Variants in L3MBTL1 observed in about 807,000 individuals in gnomAD.
The protein encoded by L3MBTL1 is lethal(3)malignant brain tumor-like protein 1.
Under a neutral mutation model 105.3 loss-of-function variants are expected in L3MBTL1, and 75 were observed. That is an observed-to-expected ratio of 0.71 (90% CI 0.59 to 0.86). L3MBTL1 has a LOEUF of 0.86. L3MBTL1 is among the 40% of genes least tolerant of loss of function. The pLI is 0.00. For missense variants in L3MBTL1, 1,069 were observed against 1,126.4 expected, an observed-to-expected ratio of 0.95 and a Z score of 0.73; for synonymous variants, 452 against 436.2, an observed-to-expected ratio of 1.04 and a Z score of -0.45.
At chr20:43,534,212 T>G in intron 14 of L3MBTL1, 72 bp from the exon 15 acceptor site, 2 of 1,546,832 alleles carry the variant, frequency 1.3e-6, no homozygotes, top group Non-Finnish European at 1.8e-6. Context: ...AGGCACAGCA[T>G]TTGGGCTCCC....
chr20:43,530,264 G>T lies in L3MBTL1; in HGVS notation c.1057-20G>T. 1 of 1,613,480 alleles carries T rather than the reference G, an allele frequency of 6.2e-7. No individual in the cohort carries two copies. Among genetic ancestry groups the T allele is most frequent in the South Asian group, 1.1e-5 (1 of 90,984 alleles). ...GGCATCTCCTGACATTGGAGTTCCTGATTCCCCTCATGGGGCCAGGTATGT... is the reference window on the plus strand; with the variant it reads ...GGCATCTCCTGACATTGGAGTTCCTTATTCCCCTCATGGGGCCAGGTATGT... On this transcript the variant is annotated intron_variant, in intron 9 of 21. Transcript: ENST00000418998.
intron 7 of L3MBTL1, among the ~76,000 whole-genome samples, chr20:43,522,672 A>G (rs67276262): frequency 0.14 from 20,488 of 150,230 alleles, 1,547 homozygotes; most frequent in East Asian, 0.36. Flanking sequence ...GGGTTCCGCC[A>G]TGTTGCCCAG....
chr20:43,534,437 G>A (rs1366641240), intron 15 of L3MBTL1, 43 bp downstream of exon 15: 6 of 1,515,376 alleles, frequency 4.0e-6, no homozygotes, highest in Non-Finnish European at 5.5e-6. Context: ...CAGGCCAGTT[G>A]GGCAGGAATT....
Position 43,536,210 on chromosome 20 carries a change from C to A in L3MBTL1, c.2039C>A (p.Ala680Glu). The change falls in exon 18 of 22, where the codon GCG (alanine) becomes GAG (glutamate). Residue 680 changes from alanine (A) to glutamate (E), a missense_variant. Transcript: ENST00000418998. ...GAGAGGAACCAGAGCCGGCTGAAAG[C>A]GGAGCTGTCTGACTCGGAGGCCTCA... ...LAERNQSRLK[A>E]ELSDSEASAR... 1 of 1,613,002 alleles carries A rather than the reference C, an allele frequency of 6.2e-7. No individual in the cohort carries two copies. Among genetic ancestry groups the A allele is most frequent in the East Asian group, 2.2e-5 (1 of 44,854 alleles).
intron 5 of L3MBTL1, 28 bp from the exon 6 acceptor site, chr20:43,515,264 T>C: frequency 1.2e-6 from 2 of 1,611,574 alleles, no homozygotes; most frequent in Non-Finnish European, 1.7e-6. Context: ...GGCGGGTGGT[T>C]CTTTCCCTAA....
chr20:43,532,962 G>C, intron 12 of L3MBTL1, 38 bp downstream of exon 12: 1 of 1,609,892 alleles, frequency 6.2e-7, no homozygotes, highest in Non-Finnish European at 8.5e-7. Flanking sequence ...AGGGGGTGAG[G>C]GGATGGCAGG....
downstream of L3MBTL1, among the ~76,000 whole-genome samples, chr20:43,542,699 G>A (rs969830747): frequency 4.5e-4 from 67 of 149,792 alleles, no homozygotes; most frequent in African/African-American, 1.6e-3. Flanking sequence ...TAGTCAGTCC[G>A]CACCCCAAAA....
chr20:43,535,282 G>A lies in L3MBTL1; in HGVS notation c.1825+340G>A, dbSNP rs538226905. On this transcript the variant is annotated intron_variant, in intron 16 of 21. Transcript: ENST00000418998. Reference sequence around the variant, plus strand: ...GTGCACTGTTTGCTAAGGACATGATGGCTTCCTAAAGTAAATTCTGATTGT... The same window carrying A: ...GTGCACTGTTTGCTAAGGACATGATAGCTTCCTAAAGTAAATTCTGATTGT... Among the ~76,000 whole-genome samples the A allele has an allele frequency of 2.1e-4, 32 of 152,274 alleles. No homozygotes were observed. The South Asian group carries it at 6.4e-3, about 31-fold the overall frequency.
At chr20:43,525,114 TAAA>T (rs11086880) in intron 7 of L3MBTL1, among the ~76,000 whole-genome samples, 55 of 139,198 alleles carry the variant, frequency 4.0e-4, no homozygotes, top group Admixed American at 5.7e-4. Flanking sequence ...CCTGGGGAGT[TAAA>T]AAAAAAAAAA....
At position 43,512,948 on chromosome 20, in the gene L3MBTL1, G is replaced by A. The variant is rs80129293; in HGVS notation, c.-28-528G>A. On this transcript the variant is annotated intron_variant, in intron 1 of 21. Transcript: ENST00000418998. ...CACCCTGTGCTTGGGGTTGGAGGGA[G>A]TGGTGGACAGGGCCATAAAAGAACA... Among the ~76,000 whole-genome samples, 1,520 of 152,360 alleles carry A rather than the reference G, an allele frequency of 1.0e-2. 12 individuals carry two copies. Among genetic ancestry groups the A allele is most frequent in the South Asian group, 0.019 (91 of 4,830 alleles).
intron 1 of L3MBTL1, among the ~76,000 whole-genome samples, chr20:43,508,333 G>C (rs1231223695): frequency 6.6e-6 from 1 of 152,166 alleles, no homozygotes; most frequent in Admixed American, 6.5e-5. Context: ...CGGGAGGCTG[G>C]TGGCGGGTCC....
chr20:43,530,866 C>A lies in L3MBTL1; in HGVS notation c.1261C>A (p.His421Asn). Residue 421 changes from histidine to asparagine, a missense_variant, in exon 11 of 22, where the codon CAC becomes AAC. Physicochemically the swap from His to Asn is moderately conservative, Grantham distance 68. Transcript: ENST00000418998. Reference protein sequence around the residue: ...RSTRAQAAPKHLFVSQSHSPP... With the variant: ...RSTRAQAAPKNLFVSQSHSPP... The stretch of plus-strand genomic sequence containing the variant: ...CACAAGAGCTCAGGCTGCCCCCAAG[C>A]ACCTGTTTGTGAGCCAGAGCCACGT... 2 of 1,614,016 alleles carry A rather than the reference C, an allele frequency of 1.2e-6. No individual in the cohort carries two copies. Among genetic ancestry groups the A allele is most frequent in the South Asian group, 2.2e-5 (2 of 91,058 alleles).
At chr20:43,512,403 G>A (rs571825213) in intron 1 of L3MBTL1, among the ~76,000 whole-genome samples, 53 of 152,302 alleles carry the variant, frequency 3.5e-4, no homozygotes, top group African/African-American at 1.2e-3. Context: ...CAGAGACAGG[G>A]TCTCGCTATG....
intron 3 of L3MBTL1, 101 bp downstream of exon 3, chr20:43,514,162 G>A: frequency 1.8e-6 from 2 of 1,087,134 alleles, no homozygotes; most frequent in East Asian, 2.6e-5. Context: ...GGGGAAGCTG[G>A]CTCAGATGAT....
intron 16 of L3MBTL1, among the ~76,000 whole-genome samples, chr20:43,535,393 T>C (rs1379781711): frequency 1.3e-5 from 2 of 152,224 alleles, no homozygotes; most frequent in East Asian, 3.8e-4. Context: ...ATTTCCCTGC[T>C]GCAACCGTGT....
intron 7 of L3MBTL1, among the ~76,000 whole-genome samples, chr20:43,528,314 A>AG (rs1481317984): frequency 1.3e-5 from 2 of 152,326 alleles, no homozygotes; most frequent in East Asian, 3.9e-4. Context: ...TCTCTGGCAC[A>AG]GGACTTGTCA....
At chr20:43,529,964 G>A (rs2019242374) in intron 9 of L3MBTL1, among the ~76,000 whole-genome samples, 1 of 152,212 alleles carries the variant, frequency 6.6e-6, no homozygotes, top group African/African-American at 2.4e-5. Context: ...AGGTAGCAGA[G>A]GGAGCGGTCA....
intron 1 of L3MBTL1, among the ~76,000 whole-genome samples, chr20:43,511,586 A>C (rs1474546715): frequency 6.6e-6 from 1 of 152,010 alleles, no homozygotes; most frequent in African/African-American, 2.4e-5. Context: ...GTTCCAGTCC[A>C]GCCTGGCAAC....
downstream of L3MBTL1, among the ~76,000 whole-genome samples, chr20:43,546,645 C>A (rs958298246): frequency 6.6e-6 from 1 of 152,074 alleles, no homozygotes; most frequent in Non-Finnish European, 1.5e-5. Flanking sequence ...AGTCTCTTGA[C>A]CCCCACAGCC....
Sources: gnomAD v4.1 joint callset for allele counts (sites outside exome capture counted in the v4.1 genomes callset) on GRCh38, gnomAD v4.1.1 for gene constraint, MANE v1.5 for transcripts, NCBI Gene and HGNC (gene_info 2026-07-23, HGNC 2026-07-21) for gene names.